The following ANKRD18A variants were observed in gnomAD, a reference collection of about 807,000 sequenced individuals.
The protein encoded by ANKRD18A is ankyrin repeat domain 18A.
Under a neutral mutation model 110.6 loss-of-function variants are expected in ANKRD18A, and 72 were observed. The observed-to-expected ratio is 0.65, with a 90% CI of 0.54 to 0.79. The LOEUF (loss-of-function observed/expected upper bound fraction) is 0.79. Among genes scored for constraint, ANKRD18A ranks in the 30% least tolerant of loss-of-function variants. ANKRD18A has a pLI of 0.00. For synonymous variants in ANKRD18A, 305 were observed against 410.3 expected (o/e 0.74, Z 3.10); for missense variants, 934 against 1,163.3 (o/e 0.80, Z 2.87).
chr9:38,619,032 T>C (rs2118916642), intron 1 of ANKRD18A, among the ~76,000 whole-genome samples: 1 of 151,128 alleles, frequency 6.6e-6, no homozygotes, highest in East Asian at 1.9e-4. Context: ...ATATAGGAAA[T>C]ATTTTTCGAG....
intron 8 of ANKRD18A, among the ~76,000 whole-genome samples, chr9:38,596,687 A>G (rs529031094): frequency 3.9e-5 from 6 of 152,336 alleles, no homozygotes; most frequent in Admixed American, 6.5e-5. Context: ...CTGAATTACA[A>G]CAAACTCAAA....
intron 10 of ANKRD18A, among the ~76,000 whole-genome samples, chr9:38,590,733 C>A (rs1824554062): frequency 6.6e-6 from 1 of 152,138 alleles, no homozygotes; most frequent in Admixed American, 6.5e-5. Flanking sequence ...AGAGATCTCC[C>A]TTCTTCCTGA....
At chr9:38,601,069 G>A (rs1333547167) in intron 8 of ANKRD18A, 62 bp downstream of exon 8, 5 of 1,456,334 alleles carry the variant, frequency 3.4e-6, no homozygotes, top group Admixed American at 2.0e-5. Flanking sequence ...CCTATGCTAT[G>A]TTATTAAAGA....
At chr9:38,583,308 G>A (rs1273369294) in intron 12 of ANKRD18A, among the ~76,000 whole-genome samples, 1 of 152,216 alleles carries the variant, frequency 6.6e-6, no homozygotes, top group Non-Finnish European at 1.5e-5. Flanking sequence ...AGAAATTCCA[G>A]TCATAAGTAT....
chr9:38,605,820 G>A (rs1313481102), intron 6 of ANKRD18A, among the ~76,000 whole-genome samples: 1 of 152,066 alleles, frequency 6.6e-6, no homozygotes, highest in Non-Finnish European at 1.5e-5. Flanking sequence ...CACCATGTTG[G>A]TCAGGCTGGT....
chr9:38,584,626 G>A (rs890845557), intron 12 of ANKRD18A, among the ~76,000 whole-genome samples: 7 of 152,096 alleles, frequency 4.6e-5, no homozygotes, highest in Admixed American at 2.6e-4. Context: ...GGGCTGCTTC[G>A]TTTCAGATCA....
At chr9:38,582,212 A>G (rs1439468310) in intron 12 of ANKRD18A, among the ~76,000 whole-genome samples, 1 of 152,172 alleles carries the variant, frequency 6.6e-6, no homozygotes, top group Admixed American at 6.5e-5. Flanking sequence ...TTCAGCAGAT[A>G]CTGCGACCAA....
At chr9:38,619,929 T>G in intron 1 of ANKRD18A, 151 bp downstream of exon 1, 1 of 1,010,532 alleles carries the variant, frequency 9.9e-7, no homozygotes. Flanking sequence ...GACGGGGAAT[T>G]GCCAGCGACG....
At chr9:38,599,468 T>A (rs1331389297) in intron 8 of ANKRD18A, among the ~76,000 whole-genome samples, 13 of 134,986 alleles carry the variant, frequency 9.6e-5, no homozygotes, top group Admixed American at 5.3e-4. Context: ...TTGTAATGAA[T>A]TTTTTTTTTT....
intron 5 of ANKRD18A, among the ~76,000 whole-genome samples, chr9:38,608,436 A>C (rs917396386): frequency 1.8e-4 from 27 of 151,692 alleles, no homozygotes; most frequent in African/African-American, 6.5e-4. Flanking sequence ...ATTTGCATGT[A>C]ACATCCCGTG....
At chr9:38,588,737 A>C in intron 10 of ANKRD18A, 74 bp from the exon 11 acceptor site, 1 of 1,001,188 alleles carries the variant, frequency 1.0e-6, no homozygotes, top group Non-Finnish European at 1.3e-6. Flanking sequence ...ATTATTTCTC[A>C]TAAGTTGATG....
rs539649694 is a variant in ANKRD18A at position 38,590,859 on chromosome 9, T to C, written c.2005-2196A>G. Among the ~76,000 whole-genome samples the C allele has an allele frequency of 1.6e-3, 250 of 152,274 alleles. 1 individual carries two copies. Among genetic ancestry groups the C allele is most frequent in the Middle Eastern group, 0.014 (4 of 294 alleles). On this transcript the variant is annotated intron_variant, in intron 10 of 15. Transcript: ENST00000399703. ...AGAAGTTAGAGGCTATTGATTGAGA[T>C]GGTTTAAAGCTGCCCCTTATTATAT...
downstream of ANKRD18A, among the ~76,000 whole-genome samples, chr9:38,570,251 G>T (rs4008158): frequency 2.0e-5 from 3 of 151,542 alleles, no homozygotes; most frequent in African/African-American, 7.3e-5. Context: ...GACTGGGTTC[G>T]CACTGACAAG....
intron 8 of ANKRD18A, 109 bp downstream of exon 8, chr9:38,601,022 A>T: frequency 1.1e-6 from 1 of 950,774 alleles, no homozygotes; most frequent in South Asian, 2.1e-5. Flanking sequence ...GCTCTGTTGG[A>T]TTCTAAAAGG....
intron 5 of ANKRD18A, among the ~76,000 whole-genome samples, chr9:38,608,385 A>G (rs117415663): frequency 0.019 from 2,848 of 152,038 alleles, 28 homozygotes; most frequent in South Asian, 0.037. Flanking sequence ...TCCAGATGCA[A>G]GTTGATGTTT....
intron 15 of ANKRD18A, among the ~76,000 whole-genome samples, chr9:38,575,184 G>T (rs1053718583): frequency 6.6e-6 from 1 of 151,802 alleles, no homozygotes; most frequent in African/African-American, 2.4e-5. Context: ...CAGTTATTAG[G>T]CAATAACATG....
intron 1 of ANKRD18A, among the ~76,000 whole-genome samples, chr9:38,618,548 G>C (rs1459687627): frequency 4.6e-5 from 7 of 152,120 alleles, no homozygotes; most frequent in Non-Finnish European, 8.8e-5. Context: ...GGAATTGATG[G>C]GTAAAGGGCA....
chr9:38,620,017 G>T (rs1195385524), intron 1 of ANKRD18A, 63 bp downstream of exon 1: 30 of 1,533,804 alleles, frequency 2.0e-5, no homozygotes, highest in African/African-American at 2.8e-5. Context: ...CCCAGGGGCT[G>T]CCGGGCTGCA....
chr9:38,594,130 C>G (rs189329941), intron 9 of ANKRD18A, among the ~76,000 whole-genome samples: 1 of 152,274 alleles, frequency 6.6e-6, no homozygotes, highest in East Asian at 1.9e-4. Flanking sequence ...ACAGATTGAT[C>G]CAGCCCGCTA....
Sources: allele counts gnomAD v4.1 joint callset (sites outside exome capture counted in the v4.1 genomes callset), GRCh38; gene constraint gnomAD v4.1.1; transcripts MANE v1.5; gene names NCBI Gene and HGNC (gene_info 2026-07-23, HGNC 2026-07-21).